Variants in PCDH11X observed in about 807,000 individuals in gnomAD.
PCDH11X encodes protocadherin-11 X-linked.
A neutral mutation model predicts 53.3 loss-of-function variants in PCDH11X; 18 were observed. That is an observed-to-expected ratio of 0.34 (90% CI 0.23 to 0.50). PCDH11X has a LOEUF of 0.50. Ranked by LOEUF, PCDH11X falls within the 20% of genes least tolerant of loss-of-function variation. The pLI is 0.98. For missense variants in PCDH11X, 570 were observed against 1,032.4 expected, an observed-to-expected ratio of 0.55 and a Z score of 6.14; for synonymous variants, 279 against 393.3, an observed-to-expected ratio of 0.71 and a Z score of 3.44.
chrX:91,824,971 C>T (rs756241317), intron 4 of PCDH11X, among the ~76,000 whole-genome samples: 147 of 109,530 alleles, frequency 1.3e-3, no homozygotes, highest in South Asian at 9.3e-3. Context: ...GGGGGTGCCT[C>T]CCAGTTAGGC....
intron 10 of PCDH11X, among the ~76,000 whole-genome samples, chrX:92,527,890 A>T (rs1460815014): frequency 8.9e-6 from 1 of 112,213 alleles, no homozygotes; most frequent in Non-Finnish European, 1.9e-5. Flanking sequence ...CAGCATATTT[A>T]AAAACAAATT....
intron 6 of PCDH11X, among the ~76,000 whole-genome samples, chrX:92,083,247 T>G (rs2148105122): frequency 8.9e-6 from 1 of 111,887 alleles, no homozygotes; most frequent in Admixed American, 9.6e-5. Context: ...TACTTTAGCT[T>G]ACTATTTTAT....
At position 92,394,879 on chromosome X, in the gene PCDH11X, G is replaced by A. The variant is rs1322662065; in HGVS notation, c.3343+6946G>A. Among the ~76,000 whole-genome samples the A allele has an allele frequency of 1.8e-5, 2 of 111,590 alleles. 1 individual carries two copies. Among genetic ancestry groups the A allele is most frequent in the Middle Eastern group, 8.5e-3 (2 of 234 alleles). ...TTGTACAATAACTTGCAACTCTCAT[G>A]ATTGCTTTCATCAACAGAACATTCA... On this transcript the variant is annotated intron_variant, in intron 9 of 10. Coordinates refer to ENST00000682573, the MANE Select transcript of PCDH11X (RefSeq NM_032968.5).
chrX:92,146,132 A>C (rs2065263874), intron 6 of PCDH11X, among the ~76,000 whole-genome samples: 1 of 111,353 alleles, frequency 9.0e-6, no homozygotes, highest in Admixed American at 9.7e-5. Context: ...TCATATATAT[A>C]TATAGGATAT....
At chrX:92,352,531 A>G (rs2070079299) in intron 8 of PCDH11X, among the ~76,000 whole-genome samples, 1 of 111,143 alleles carries the variant, frequency 9.0e-6, no homozygotes, top group African/African-American at 3.3e-5. Flanking sequence ...CTGGTGAGCT[A>G]GTGTAATTCT....
At chrX:92,049,109 G>C (rs868786994) in intron 6 of PCDH11X, among the ~76,000 whole-genome samples, 22 of 110,512 alleles carry the variant, frequency 2.0e-4, no homozygotes, top group African/African-American at 7.2e-4. Context: ...AGAGAGAGCA[G>C]GTTGTAAAAT....
intron 6 of PCDH11X, among the ~76,000 whole-genome samples, chrX:92,115,679 T>A (rs1437598230): frequency 1.8e-5 from 2 of 110,651 alleles, no homozygotes. Context: ...CTGGTGTAAA[T>A]CCAAGAGTCC....
chrX:92,230,465 T>C (rs1292764692), intron 7 of PCDH11X, among the ~76,000 whole-genome samples: 4 of 77,547 alleles, frequency 5.2e-5, no homozygotes, highest in Admixed American at 1.8e-4. Context: ...TTATAAAATA[T>C]ATATTATATA....
At chrX:92,528,520 C>T (rs1245102195) in intron 10 of PCDH11X, among the ~76,000 whole-genome samples, 9 of 110,999 alleles carry the variant, frequency 8.1e-5, no homozygotes, top group Non-Finnish European at 1.1e-4. Flanking sequence ...CTCGAACTCC[C>T]GACCTCAGGT....
intron 9 of PCDH11X, among the ~76,000 whole-genome samples, chrX:92,441,093 C>T (rs1252964852): frequency 9.1e-6 from 1 of 109,302 alleles, no homozygotes; most frequent in Non-Finnish European, 1.9e-5. Flanking sequence ...GTACTTTGAA[C>T]TTTAGAGAGA....
chrX:92,376,417 A>C (rs2070755432), intron 8 of PCDH11X, among the ~76,000 whole-genome samples: 1 of 112,306 alleles, frequency 8.9e-6, no homozygotes, highest in African/African-American at 3.2e-5. Context: ...GAAAACTAAC[A>C]AAATGTAACA....
chrX:92,138,883 T>C (rs1457354266), intron 6 of PCDH11X, among the ~76,000 whole-genome samples: 5 of 110,218 alleles, frequency 4.5e-5, no homozygotes, highest in Admixed American at 9.9e-5. Context: ...TTTAGGAGTA[T>C]ACAAAAAGAA....
At chrX:92,309,930 G>C (rs1372162205) in intron 8 of PCDH11X, among the ~76,000 whole-genome samples, 1 of 111,916 alleles carries the variant, frequency 8.9e-6, no homozygotes, top group Non-Finnish European at 1.9e-5. Context: ...TTCCTTGTTG[G>C]TATAGAATGA....
chrX:91,999,585 A>C (rs1282033966), intron 6 of PCDH11X, among the ~76,000 whole-genome samples: 1 of 107,002 alleles, frequency 9.3e-6, no homozygotes. Flanking sequence ...TTTACTCTGA[A>C]ATTTGTATGT....
At chrX:92,331,638 G>C (rs2069492629) in intron 8 of PCDH11X, among the ~76,000 whole-genome samples, 1 of 110,650 alleles carries the variant, frequency 9.0e-6, no homozygotes, top group South Asian at 3.8e-4. Context: ...TGATATTTAA[G>C]TTATGAAAAG....
chrX:91,959,367 G>A (rs887913055), intron 6 of PCDH11X, among the ~76,000 whole-genome samples: 20 of 110,956 alleles, frequency 1.8e-4, no homozygotes, highest in Non-Finnish European at 3.6e-4. Flanking sequence ...TAGTCACTAT[G>A]CGGTATTTTA....
intron 10 of PCDH11X, among the ~76,000 whole-genome samples, chrX:92,547,381 T>G (rs1301164823): frequency 2.8e-5 from 3 of 106,923 alleles, no homozygotes; most frequent in Non-Finnish European, 5.8e-5. Context: ...GTTGCTTACT[T>G]AAGGTAATAT....
chrX:91,894,579 A>G (rs1940659968), intron 6 of PCDH11X, among the ~76,000 whole-genome samples: 1 of 111,525 alleles, frequency 9.0e-6, no homozygotes, highest in Admixed American at 9.6e-5. Context: ...ACTCCGATTT[A>G]TTTCTTAGAA....
intron 5 of PCDH11X, among the ~76,000 whole-genome samples, chrX:91,871,977 T>TCA (rs894220477): frequency 4.5e-5 from 5 of 111,164 alleles, no homozygotes. Context: ...ATACTAGAGA[T>TCA]CAATGCCATT....
Sources: allele counts gnomAD v4.1 joint callset (sites outside exome capture counted in the v4.1 genomes callset), GRCh38; gene constraint gnomAD v4.1.1; transcripts MANE v1.5; gene names NCBI Gene and HGNC (gene_info 2026-07-23, HGNC 2026-07-21).